Variants in COL6A1 observed in about 807,000 individuals in gnomAD.
The protein encoded by COL6A1 is collagen type VI alpha 1 chain.
COL6A1 carries 80 observed loss-of-function variants against 145.6 expected under a neutral mutation model. The observed-to-expected ratio is 0.55, with a 90% CI of 0.46 to 0.66. COL6A1 has a LOEUF of 0.66. Ranked by LOEUF, COL6A1 falls within the 30% of genes least tolerant of loss-of-function variation. The pLI is 0.00. For synonymous variants in COL6A1, 638 were observed against 622.8 expected (o/e 1.02, Z -0.36); for missense variants, 1,364 against 1,473.8 (o/e 0.93, Z 1.22).
Position 45,986,856 on chromosome 21 carries a change from G to A in COL6A1, c.589-88G>A, listed in dbSNP as rs536649872. 56 of 1,530,428 alleles carry A rather than the reference G, an allele frequency of 3.7e-5. No individual in the cohort carries two copies. The East Asian group carries it at 1.2e-3, about 32-fold the overall frequency. 94.8% of individuals were successfully genotyped at this position (1,530,428 alleles called of 1,614,324 possible). On this transcript the variant is annotated intron_variant, in intron 4 of 34. Coordinates refer to ENST00000361866, the MANE Select transcript of COL6A1 (RefSeq NM_001848.3). ...CTGCTGAGGAGCCTGGAGCGCCCCA[G>A]CCCAGCCTCCCCTCTGGCCCTGTGG...
Position 46,004,332 on chromosome 21 carries a change from G to T in COL6A1, c.*319G>T. 2.2e-6 allele frequency: 1 copy of T among 449,908 alleles called. No individual in the cohort carries two copies. Among genetic ancestry groups the T allele is most frequent in the Non-Finnish European group, 4.1e-6 (1 of 246,584 alleles). 27.9% of individuals were successfully genotyped at this position (449,908 alleles called of 1,614,324 possible). ...GCCCTCTGGGGCTCAGCCCTGAGCT[G>T]GCCTCACCTGGGTTCCCCACCCCGG... On this transcript the variant is annotated 3_prime_UTR_variant, in exon 35 of 35. Coordinates refer to ENST00000361866, the MANE Select transcript of COL6A1 (RefSeq NM_001848.3).
rs2077846634 is a variant in COL6A1, at chr21:46,001,739, G to A, written c.1957-222G>A. 1.3e-5 allele frequency among the ~76,000 whole-genome samples: 2 copies of A among 151,992 alleles called. 1 individual carries two copies. The highest frequency in any genetic ancestry group is 2.9e-5 in the Non-Finnish European group (2 of 67,976). On this transcript the variant is annotated intron_variant, in intron 30 of 34. Transcript: ENST00000361866. ...TTTGCAGGGTACCCAGGTCCCGGGG[G>A]CTGTGCCACCCTCTGGGCACCCGGA...
chr21:45,999,959 G>GGGGGGACATGT (rs2077831806), intron 27 of COL6A1, among the ~76,000 whole-genome samples: 1 of 58,264 alleles, frequency 1.7e-5, no homozygotes, highest in Non-Finnish European at 3.4e-5. Flanking sequence ...GAGGATCATG[G>GGGGGGACATGT]GAGGACGTGA....
rs528952901 is a variant in COL6A1 at position 45,994,216 on chromosome 21, T to A, written c.1385T>A (p.Val462Asp). The change falls in exon 20 of 35, where the codon GTC (valine) becomes GAC (aspartate). Residue 462 changes from valine (V) to aspartate (D), a missense_variant. By Grantham distance (152) the Val-to-Asp change is radical (BLOSUM62 -3). This residue lies in a region of COL6A1 where 938 missense variants were observed against 1,003.8 expected (regional missense o/e 0.93). Transcript: ENST00000361866. The surrounding 1 kb of genome is among the most constrained non-coding windows in gnomAD (Gnocchi z 6.8). ...CAGGGAAGAGAAGGCCCCGTTGGTG[T>A]CCCTGGAGACCCGGTAGGAAGCGCT... is the stretch of plus-strand genomic sequence containing the variant. Reference protein sequence around the residue: ...GDQGREGPVGVPGDPGEAGPI... With the variant: ...GDQGREGPVGDPGDPGEAGPI... The A allele has an allele frequency of 4.8e-5, 77 of 1,609,640 alleles. No homozygotes were observed. In the East Asian group the frequency reaches 1.7e-3, roughly 36 times the overall value.
At position 45,991,188 on chromosome 21, in the gene COL6A1, C is replaced by T. The variant is rs990258472; in HGVS notation, c.1119+147C>T. ...GGGAGGAGCTGGTGGAGGCTGGAGG[C>T]AGGCAGAGGAGCAGCGGGGACAGTG... is the stretch of plus-strand genomic sequence containing the variant. On this transcript the variant is annotated intron_variant, in intron 15 of 34. Transcript: ENST00000361866. 1.2e-5 allele frequency: 11 copies of T among 891,322 alleles called. No individual in the cohort carries two copies. The African/African-American group carries it at 1.5e-4, about 12-fold the overall frequency. 55.2% of individuals were successfully genotyped at this position (891,322 alleles called of 1,614,324 possible).
intron 28 of COL6A1, among the ~76,000 whole-genome samples, 195 bp from the exon 29 acceptor site, chr21:46,000,564 G>C (rs995536457): frequency 6.6e-6 from 1 of 152,092 alleles, no homozygotes; most frequent in Non-Finnish European, 1.5e-5. Flanking sequence ...GAGAGTCCCC[G>C]GTGCGGTGCA....
intron 2 of COL6A1, among the ~76,000 whole-genome samples, chr21:45,983,697 G>A (rs917110507): frequency 1.3e-5 from 2 of 152,158 alleles, no homozygotes; most frequent in African/African-American, 2.4e-5. Flanking sequence ...GGGGAGGGGC[G>A]GCCGCGTGGC....
chr21:45,999,600 C>T (rs1037701209), intron 26 of COL6A1, 57 bp from the exon 27 acceptor site: 6 of 1,593,820 alleles, frequency 3.8e-6, no homozygotes, highest in Non-Finnish European at 5.1e-6. Context: ...TGTCTCAGCT[C>T]AGGAAGCACA....
rs768856196 is a variant in COL6A1, at chr21:45,998,746, G to A, written c.1612-151G>A. ...CCCCACGGCTCTCTAGGCCACTCCGGGACCCAGTTTCTCCAGCCCAGGAAA... is the reference window on the plus strand; with the variant it reads ...CCCCACGGCTCTCTAGGCCACTCCGAGACCCAGTTTCTCCAGCCCAGGAAA... On this transcript the variant is annotated intron_variant, in intron 24 of 34. Transcript: ENST00000361866. 1.4e-5 allele frequency: 15 copies of A among 1,069,584 alleles called. No homozygotes were observed. In the South Asian group the frequency reaches 2.1e-4, roughly 15 times the overall value. 66.3% of individuals were successfully genotyped at this position (1,069,584 alleles called of 1,614,324 possible).
At position 46,002,172 on chromosome 21, in the gene COL6A1, C is replaced by T. The variant is rs199513266; in HGVS notation, c.2067-46C>T. 1.9e-5 allele frequency: 30 copies of T among 1,572,832 alleles called. No individual in the cohort carries two copies. The East Asian group carries it at 4.2e-4, about 22-fold the overall frequency. ...CTGATCCCAGGTGGGCTCGGCCCCG[C>T]GGCAGGCCTGGCCCCAACCGGCCCT... On this transcript the variant is annotated intron_variant, in intron 31 of 34. Coordinates refer to ENST00000361866, the MANE Select transcript of COL6A1 (RefSeq NM_001848.3).
intron 7 of COL6A1, 26 bp from the exon 8 acceptor site, chr21:45,987,584 G>A: frequency 6.2e-7 from 1 of 1,612,604 alleles, no homozygotes; most frequent in Non-Finnish European, 8.5e-7. Context: ...CTGGGGTCCT[G>A]GCTGACCGTC....
chr21:46,003,018 G>A lies in COL6A1; in HGVS notation c.2435-102G>A, dbSNP rs1173820275. ...TCCCGGCTCGCTGTGACTTCCGGGG[G>A]CACGGCCACCCCTGTGCTCGGCCGG... On this transcript the variant is annotated intron_variant, in intron 33 of 34. Transcript: ENST00000361866. 33 of 1,550,256 alleles carry A rather than the reference G, an allele frequency of 2.1e-5. No homozygotes were observed. The South Asian group carries it at 2.3e-4, about 11-fold the overall frequency.
chr21:45,982,869 T>TGG, intron 2 of COL6A1, 106 bp downstream of exon 2: 1 of 1,509,670 alleles, frequency 6.6e-7, no homozygotes, highest in Non-Finnish European at 9.0e-7. Context: ...CTCCTAAGGT[T>TGG]GGGCGAGCGT....
intron 26 of COL6A1, 92 bp downstream of exon 26, chr21:45,999,310 G>A (rs2077824934): frequency 3.2e-6 from 4 of 1,247,606 alleles, no homozygotes. Flanking sequence ...CTGGGAGAGT[G>A]GGAGGCGGCG....
chr21:46,001,143 A>G (rs1449870463), intron 29 of COL6A1, 110 bp from the exon 30 acceptor site: 2 of 1,449,240 alleles, frequency 1.4e-6, no homozygotes, highest in African/African-American at 1.4e-5. Context: ...GGGGACCCCA[A>G]CGTGTCAGGT....
intron 3 of COL6A1, 27 bp from the exon 4 acceptor site, chr21:45,986,499 G>C: frequency 1.3e-6 from 2 of 1,551,640 alleles, no homozygotes; most frequent in Non-Finnish European, 1.7e-6. Context: ...CTAGTCTCGA[G>C]GTCTCACGCT....
chr21:45,993,386 A>G (rs143704669), intron 19 of COL6A1, among the ~76,000 whole-genome samples: 4,038 of 152,318 alleles, frequency 0.027, 90 homozygotes, highest in Non-Finnish European at 0.04. Flanking sequence ...GGCAGCTGGC[A>G]GACTCCGGGC....
chr21:45,997,703 G>A lies in COL6A1; in HGVS notation c.1465G>A (p.Ala489Thr), dbSNP rs1437154680. Reference sequence around the variant, plus strand: ...CACGCCTCCTCTTCCTCCTCAGGGTGCCAGAGGAGCCCCAGGACCTGCCGG... The same window carrying A: ...CACGCCTCCTCTTCCTCCTCAGGGTACCAGAGGAGCCCCAGGACCTGCCGG... ...GDEGPPGSEG[A>T]RGAPGPAGPP... Residue 489 changes from alanine to threonine, a missense_variant, in exon 22 of 35, where the codon GCC becomes ACC. By Grantham distance (58) the Ala-to-Thr change is moderately conservative. Transcript: ENST00000361866. 6.3e-7 allele frequency: 1 copy of A among 1,588,784 alleles called. No individual in the cohort carries two copies. The highest frequency in any genetic ancestry group is 8.6e-7 in the Non-Finnish European group (1 of 1,167,502).
rs1353250593 is a variant in COL6A1, at chr21:46,003,673, T to C, written c.2747T>C (p.Val916Ala). ...GACTTTATCAACGACGCCACCGACG[T>C]CAACGATGCCCTGGGCTATGTGACC... ...AMDFINDATD[V>A]NDALGYVTRF... The change falls in exon 35 of 35, where the codon GTC becomes GCC. Residue 916 changes from valine (V) to alanine (A), a missense_variant. This residue lies in a region of COL6A1 where 938 missense variants were observed against 1,003.8 expected (regional missense o/e 0.93). Transcript: ENST00000361866. 1 of 1,613,062 alleles carries C rather than the reference T, an allele frequency of 6.2e-7. No individual in the cohort carries two copies. The highest frequency in any genetic ancestry group is 1.7e-5 in the Admixed American group (1 of 60,020).
Sources: gnomAD v4.1 joint callset for allele counts (sites outside exome capture counted in the v4.1 genomes callset) on GRCh38, gnomAD v4.1.1 for gene constraint, gnomAD v4.1.1 regional missense constraint, Gnocchi (gnomAD v3.1) non-coding constraint, MANE v1.5 for transcripts, NCBI Gene and HGNC (gene_info 2026-07-23, HGNC 2026-07-21) for gene names.